SERINC4: variants seen among roughly 807,000 people sequenced by gnomAD.
SERINC4 encodes the protein serine incorporator 4.
A neutral mutation model predicts 52.0 loss-of-function variants in SERINC4; 52 were observed. The ratio of observed to expected loss-of-function variants is 1.00; its 90% confidence interval spans 0.80 to 1.26. SERINC4 has a LOEUF of 1.26. Among genes scored for constraint, SERINC4 ranks in the 50% most tolerant of loss-of-function variants. SERINC4 has a pLI of 0.00. For synonymous variants in SERINC4, 264 were observed against 247.7 expected, an observed-to-expected ratio of 1.07 and a Z score of -0.62; for missense variants, 723 against 632.8, an observed-to-expected ratio of 1.14 and a Z score of -1.53.
intron 3 of SERINC4, 115 bp from the exon 4 acceptor site, chr15:43,798,619 G>C: frequency 2.6e-6 from 2 of 766,638 alleles, no homozygotes; most frequent in East Asian, 2.6e-5. Context: ...GGACAGACGA[G>C]ACAACTAAGG....
Position 43,800,006 on chromosome 15 carries a change from C to A in SERINC4, c.-20G>T. The A allele has an allele frequency of 6.7e-7, 1 of 1,489,860 alleles. No homozygotes were observed. The allele number at this position is 1,489,860 out of a possible 1,614,324, so 92.3% of individuals were successfully genotyped here. A position where few individuals can be genotyped will look rare whatever the true frequency, so the allele number is the denominator to read the frequency against. ...CACCATCCTTGTCCCAGGGATTAGGCTTAGGTCCACCAGATGGAAGGCAGA... is the reference window on the plus strand; with the variant it reads ...CACCATCCTTGTCCCAGGGATTAGGATTAGGTCCACCAGATGGAAGGCAGA... On this transcript the variant is annotated 5_prime_UTR_variant, in exon 1 of 12. Coordinates refer to ENST00000319327, the MANE Select transcript of SERINC4 (RefSeq NM_001258031.2).
At position 43,796,686 on chromosome 15, in the gene SERINC4, G is replaced by A; in HGVS notation, c.997C>T (p.Pro333Ser). ...GCTAGAGAGATATCTGGTGTTTGGG[G>A]TTCCATTTTACTCAGGCCAGGCAGG... ...LCLPGLSKME[P>S]QTPDISLAML... is the part of the protein sequence containing the mutation. The change falls in exon 8 of 12, where the codon CCC becomes TCC. Residue 333 changes from proline (P) to serine (S), a missense_variant. Transcript: ENST00000319327. 2 of 1,614,142 alleles carry A rather than the reference G, an allele frequency of 1.2e-6. No homozygotes were observed. The highest frequency in any genetic ancestry group is 1.3e-5 in the African/African-American group (1 of 75,060).
chr15:43,798,828 C>T (rs1448359635), intron 3 of SERINC4, 131 bp downstream of exon 3: 9 of 922,824 alleles, frequency 9.8e-6, no homozygotes, highest in Admixed American at 6.7e-5. Flanking sequence ...AGCAAGTACA[C>T]GAGAAGCAGG....
chr15:43,797,076 G>A (rs2087231286), intron 6 of SERINC4, 69 bp downstream of exon 6: 1 of 1,443,536 alleles, frequency 6.9e-7, no homozygotes, highest in African/African-American at 1.4e-5. Context: ...ATTGAGATTA[G>A]GGAGGTAATG....
In SERINC4 at chr15:43,797,322, G is replaced by C. The variant is rs1208079301; in HGVS notation, c.667C>G (p.Leu223Val). Residue 223 changes from leucine (L) to valine (V), a missense_variant, in exon 6 of 12, where the codon CTG becomes GTG. Transcript: ENST00000319327. ...CCTAGGGTGGCCAGCAGGACAGCCAGGAACCAGCTACAGTCTTGAGCTGCA... is the reference window on the plus strand; with the variant it reads ...CCTAGGGTGGCCAGCAGGACAGCCACGAACCAGCTACAGTCTTGAGCTGCA... ...TGAAQDCSWF[L>V]AVLLATLGFY... 1 of 1,549,006 alleles carries C rather than the reference G, an allele frequency of 6.5e-7. No homozygotes were observed. Among genetic ancestry groups the C allele is most frequent in the South Asian group, 1.2e-5 (1 of 83,978 alleles).
intron 10 of SERINC4, 57 bp downstream of exon 10, chr15:43,795,631 T>A: frequency 6.2e-7 from 1 of 1,606,944 alleles, no homozygotes. Context: ...TCTTGAGGGT[T>A]CTTATGGCAC....
At chr15:43,795,271 T>A in intron 11 of SERINC4, 58 bp from the exon 12 acceptor site, 1 of 1,595,396 alleles carries the variant, frequency 6.3e-7, no homozygotes, top group South Asian at 1.1e-5. Context: ...TTAGACCTGT[T>A]CTACCTCCTC....
In SERINC4 at chr15:43,795,408, A is replaced by G. The variant is rs1596045081; in HGVS notation, c.1323T>C (p.Val441=). Residue 441 remains valine (V), a synonymous_variant, in exon 11 of 12, where the codon GTT becomes GTC. Coordinates refer to ENST00000319327, the MANE Select transcript of SERINC4 (RefSeq NM_001258031.2). ...VFFLASLYVM[V]TLTNWFSYEG... ...CTTACCTGAACCAGTTGGTAAGGGT[A>G]ACCATGACATAGAGTGAGGCAAGGA... 1 of 1,614,214 alleles carries G rather than the reference A, an allele frequency of 6.2e-7. No individual in the cohort carries two copies. The highest frequency in any genetic ancestry group is 1.6e-4 in the Middle Eastern group (1 of 6,062).
Position 43,797,900 on chromosome 15 carries a change from T to A in SERINC4, c.632+20A>T. On this transcript the variant is annotated intron_variant, in intron 5 of 11. Coordinates refer to ENST00000319327, the MANE Select transcript of SERINC4 (RefSeq NM_001258031.2). The stretch of plus-strand genomic sequence containing the variant: ...TAGAAACCTCCCCAGGAAAAGCCTT[T>A]AGGGTTATGTGCCCCTTACCAGTTC... 6.3e-7 allele frequency: 1 copy of A among 1,581,552 alleles called. No homozygotes were observed. The highest frequency in any genetic ancestry group is 8.7e-7 in the Non-Finnish European group (1 of 1,150,656).
intron 1 of SERINC4, 110 bp downstream of exon 1, chr15:43,799,773 TGG>T (rs2141697062): frequency 1.1e-6 from 1 of 917,808 alleles, no homozygotes; most frequent in East Asian, 2.6e-5. Context: ...AGATTATACC[TGG>T]GGCAACGAAC....
In SERINC4 at chr15:43,797,991, A is replaced by C; in HGVS notation, c.561T>G (p.Cys187Trp). 6.2e-7 allele frequency: 1 copy of C among 1,613,538 alleles called. No individual in the cohort carries two copies. Among genetic ancestry groups the C allele is most frequent in the Non-Finnish European group, 8.5e-7 (1 of 1,179,550 alleles). Residue 187 changes from cysteine to tryptophan, a missense_variant, in exon 5 of 12, where the codon TGT becomes TGG. Cys to Trp is a radical substitution (Grantham distance 215, BLOSUM62 -2). Coordinates refer to ENST00000319327, the MANE Select transcript of SERINC4 (RefSeq NM_001258031.2). ...LFPAWHYIGI[C>W]GGFAFILLQL... Reference sequence around the variant, plus strand: ...GCAGTAGGATGAATGCAAAGCCTCCACAGATGCCAATGTAATGCCATGCTG... The same window carrying C: ...GCAGTAGGATGAATGCAAAGCCTCCCCAGATGCCAATGTAATGCCATGCTG...
At position 43,796,952 on chromosome 15, in the gene SERINC4, G is replaced by A. The variant is rs185805548; in HGVS notation, c.845-12C>T. On this transcript the variant is annotated splice_polypyrimidine_tract_variant and intron_variant, in intron 6 of 11. Coordinates refer to ENST00000319327, the MANE Select transcript of SERINC4 (RefSeq NM_001258031.2). ...AGAGCGGGGTTGCTCTGGGGAGTAA[G>A]TATAATTGCTTTAGTCTACAGGCTG... 130 of 1,605,596 alleles carry A rather than the reference G, an allele frequency of 8.1e-5. No individual in the cohort carries two copies. The African/African-American group carries it at 1.1e-3, about 14-fold the overall frequency.
At position 43,795,699 on chromosome 15, in the gene SERINC4, T is replaced by G; in HGVS notation, c.1178A>C (p.Glu393Ala). The G allele has an allele frequency of 6.2e-7, 1 of 1,614,078 alleles. No homozygotes were observed. Among genetic ancestry groups the G allele is most frequent in the Non-Finnish European group, 8.5e-7 (1 of 1,179,950 alleles). ...SLCFCCPETVEADKGQRGGAA... is the reference protein window; with the variant it reads ...SLCFCCPETVAADKGQRGGAA... ...CACTTGGCACTCACCTTTGTCTGCC[T>G]CCACTGTTTCAGGGCAGCAGAAACA... Residue 393 changes from glutamate to alanine, a missense_variant, in exon 10 of 12, where the codon GAG becomes GCG. Transcript: ENST00000319327.
chr15:43,799,638 C>G (rs1326456606), intron 1 of SERINC4, 152 bp from the exon 2 acceptor site: 2 of 1,063,226 alleles, frequency 1.9e-6, no homozygotes, highest in Admixed American at 2.0e-5. Flanking sequence ...CAAGCTGATT[C>G]CAGCCATTTG....
In SERINC4 at chr15:43,798,112, T is replaced by C. The variant is rs182368719; in HGVS notation, c.539-99A>G. Reference sequence around the variant, plus strand: ...TCACCCAGGCTAGAGTGCAGTGGTGTGATTTCAGCTCACTGCAACCTCTGC... The same window carrying C: ...TCACCCAGGCTAGAGTGCAGTGGTGCGATTTCAGCTCACTGCAACCTCTGC... On this transcript the variant is annotated intron_variant, in intron 4 of 11. Transcript: ENST00000319327. The C allele has an allele frequency of 3.6e-4, 300 of 824,502 alleles. 1 individual carries two copies. In the African/African-American group the frequency reaches 4.6e-3, roughly 13 times the overall value. The allele number at this position is 824,502 out of a possible 1,614,324, so 51.1% of individuals were successfully genotyped here. A position where few individuals can be genotyped will look rare whatever the true frequency, so the allele number is the denominator to read the frequency against.
chr15:43,794,290 G>C lies in SERINC4; in HGVS notation c.*710C>G, dbSNP rs1285914747. 1.1e-5 allele frequency: 3 copies of C among 284,722 alleles called. No individual in the cohort carries two copies. Among genetic ancestry groups the C allele is most frequent in the Non-Finnish European group, 2.0e-5 (3 of 151,482 alleles). 17.6% of individuals were successfully genotyped at this position (284,722 alleles called of 1,614,324 possible). The stretch of plus-strand genomic sequence containing the variant: ...TCTGTGATTTTTGTTCCCCACCCTT[G>C]AACACCATCTCTAGGATGGAGTTGG... On this transcript the variant is annotated 3_prime_UTR_variant, in exon 12 of 12. Coordinates refer to ENST00000319327, the MANE Select transcript of SERINC4 (RefSeq NM_001258031.2).
At position 43,797,056 on chromosome 15, in the gene SERINC4, T is replaced by C. The variant is rs906065014; in HGVS notation, c.844+89A>G. ...TGGGGATAGGGAAGCAGAGATTCTT[T>C]TATCAAATAATTGAGATTAGGGAGG... On this transcript the variant is annotated intron_variant, in intron 6 of 11. Coordinates refer to ENST00000319327, the MANE Select transcript of SERINC4 (RefSeq NM_001258031.2). The C allele has an allele frequency of 2.1e-6, 3 of 1,454,682 alleles. No individual in the cohort carries two copies. The African/African-American group carries it at 4.2e-5, about 20-fold the overall frequency. 90.1% of individuals were successfully genotyped at this position (1,454,682 alleles called of 1,614,324 possible).
rs764066907 is a variant in SERINC4 at position 43,797,128 on chromosome 15, G to A, written c.844+17C>T. On this transcript the variant is annotated intron_variant, in intron 6 of 11. Transcript: ENST00000319327. ...TAAGGCCCCCAAAACCTGGAATGCTGTAGGACATGTACCCACTGAGGCGGA... is the reference window on the plus strand; with the variant it reads ...TAAGGCCCCCAAAACCTGGAATGCTATAGGACATGTACCCACTGAGGCGGA... 2.6e-6 allele frequency: 4 copies of A among 1,549,096 alleles called. No homozygotes were observed. The highest frequency in any genetic ancestry group is 3.5e-6 in the Non-Finnish European group (4 of 1,144,976).
Position 43,800,052 on chromosome 15 carries a change from G to T in SERINC4, c.-66C>A. ...GCAGATGAGAGCAGCAGTTGCTTCTGTCCTCAGCCCATTGGACTGCCACTG... is the reference window on the plus strand; with the variant it reads ...GCAGATGAGAGCAGCAGTTGCTTCTTTCCTCAGCCCATTGGACTGCCACTG... On this transcript the variant is annotated 5_prime_UTR_variant, in exon 1 of 12. Coordinates refer to ENST00000319327, the MANE Select transcript of SERINC4 (RefSeq NM_001258031.2). The T allele has an allele frequency of 1.6e-6, 2 of 1,240,402 alleles. No individual in the cohort carries two copies. The highest frequency in any genetic ancestry group is 2.2e-6 in the Non-Finnish European group (2 of 912,526). The allele number at this position is 1,240,402 out of a possible 1,614,324, so 76.8% of individuals were successfully genotyped here. A position where few individuals can be genotyped will look rare whatever the true frequency, so the allele number is the denominator to read the frequency against.
Sources: gnomAD v4.1 joint callset for allele counts on GRCh38, gnomAD v4.1.1 for gene constraint, MANE v1.5 for transcripts, NCBI Gene and HGNC (gene_info 2026-07-23, HGNC 2026-07-21) for gene names.